ABCE1: variants seen among roughly 807,000 people sequenced by gnomAD.
ABCE1 encodes ATP-binding cassette sub-family E member 1.
In ABCE1, 22 loss-of-function variants were observed where a neutral mutation model predicts 83.4. The ratio of observed to expected loss-of-function variants is 0.26; its 90% CI spans 0.19 to 0.38. The LOEUF (loss-of-function observed/expected upper bound fraction) is 0.38. ABCE1 is among the 10% of genes least tolerant of loss of function. The pLI, the probability that ABCE1 is intolerant of heterozygous loss-of-function variation, is 1.00. For missense variants in ABCE1, 330 were observed against 721.9 expected, an observed-to-expected ratio of 0.46 and a Z score of 6.22; for synonymous variants, 204 against 233.7, an observed-to-expected ratio of 0.87 and a Z score of 1.16.
intron 9 of ABCE1, among the ~76,000 whole-genome samples, chr4:145,112,999 A>T (rs1483793318): frequency 2.0e-5 from 3 of 152,148 alleles, no homozygotes; most frequent in Non-Finnish European, 2.9e-5. Flanking sequence ...GCCTCTTCTG[A>T]CTTAACAATT....
At chr4:145,106,649 A>G (rs765137092) in intron 3 of ABCE1, among the ~76,000 whole-genome samples, 2 of 152,104 alleles carry the variant, frequency 1.3e-5, no homozygotes, top group Non-Finnish European at 1.5e-5. Flanking sequence ...GAAGTAATGT[A>G]TAATTCCTGA....
At chr4:145,126,067 A>G (rs538761562) in intron 17 of ABCE1, among the ~76,000 whole-genome samples, 2 of 152,070 alleles carry the variant, frequency 1.3e-5, no homozygotes, top group Non-Finnish European at 2.9e-5. Flanking sequence ...ACCCCCGCAA[A>G]AAAAGTATAT....
In ABCE1 at chr4:145,109,254, G is replaced by A; in HGVS notation, c.405+5G>A. On this transcript the variant is annotated splice_donor_5th_base_variant and intron_variant, in intron 5 of 17. Coordinates refer to ENST00000296577, the MANE Select transcript of ABCE1 (RefSeq NM_002940.3). ...CCAAACCTTGGAAAGTACGATGTATGTATTATCACCTTGTAAAAATTAATA... is the reference window on the plus strand; with the variant it reads ...CCAAACCTTGGAAAGTACGATGTATATATTATCACCTTGTAAAAATTAATA... 2 of 1,544,472 alleles carry A rather than the reference G, an allele frequency of 1.3e-6. No individual in the cohort carries two copies. Among genetic ancestry groups the A allele is most frequent in the East Asian group, 2.3e-5 (1 of 44,042 alleles).
intron 3 of ABCE1, among the ~76,000 whole-genome samples, chr4:145,106,419 TATAAAC>T (rs1749306582): frequency 6.6e-6 from 1 of 152,058 alleles, no homozygotes; most frequent in Non-Finnish European, 1.5e-5. Flanking sequence ...GCTTTGAAAA[TATAAAC>T]AGGAAGCATT....
Position 145,117,188 on chromosome 4 carries a change from T to G in ABCE1, c.801-105T>G, listed in dbSNP as rs972265858. ...AATGTTTTATGGCTTTTGCTTCTTA[T>G]GTCTTTATGCTTAAATTTTATTAGA... is the stretch of plus-strand genomic sequence containing the variant. On this transcript the variant is annotated intron_variant, in intron 9 of 17. Transcript: ENST00000296577. The G allele has an allele frequency of 6.3e-6, 6 of 946,428 alleles. No individual in the cohort carries two copies. In the Admixed American group the frequency reaches 1.8e-4, roughly 29 times the overall value. 58.6% of individuals were successfully genotyped at this position (946,428 alleles called of 1,614,324 possible).
rs777721499 is a variant in ABCE1 at position 145,129,255 on chromosome 4, G to T, written c.*1682G>T. ...GCTAATGACAGAATATGTATTAAAC[G>T]TATTTTCATGTAAATGAAATCTTTA... On this transcript the variant is annotated 3_prime_UTR_variant, in exon 18 of 18. Transcript: ENST00000296577. 1 of 152,080 alleles carries T rather than the reference G, an allele frequency of 6.6e-6. No individual in the cohort carries two copies. Among genetic ancestry groups the T allele is most frequent in the African/African-American group, 2.4e-5 (1 of 41,424 alleles). The allele number at this position is 152,080 out of a possible 1,614,324, so 9.4% of individuals were successfully genotyped here.
At chr4:145,125,300 TCTA>T (rs1311118165) in intron 17 of ABCE1, among the ~76,000 whole-genome samples, 199 bp downstream of exon 17, 2 of 152,018 alleles carry the variant, frequency 1.3e-5, no homozygotes, top group African/African-American at 4.8e-5. Flanking sequence ...CAACCCCATC[TCTA>T]CTAAAAATGC....
At chr4:145,111,094 T>G in intron 8 of ABCE1, 30 bp downstream of exon 8, 1 of 1,501,306 alleles carries the variant, frequency 6.7e-7, no homozygotes, top group South Asian at 1.2e-5. Flanking sequence ...TTGTTTATCT[T>G]CATCCGTATT....
chr4:145,102,412 ATGAAGT>A (rs888146635), intron 1 of ABCE1, among the ~76,000 whole-genome samples: 5 of 152,196 alleles, frequency 3.3e-5, no homozygotes, highest in African/African-American at 1.2e-4. Context: ...AGAATAATTG[ATGAAGT>A]TAAAGACAGA....
At chr4:145,118,978 T>C (rs1749673743) in intron 10 of ABCE1, among the ~76,000 whole-genome samples, 1 of 151,834 alleles carries the variant, frequency 6.6e-6, no homozygotes. Flanking sequence ...TAAGGTTCCT[T>C]TGAGTTTATG....
intron 2 of ABCE1, among the ~76,000 whole-genome samples, chr4:145,105,343 C>T (rs920716345): frequency 6.6e-5 from 10 of 151,898 alleles, no homozygotes; most frequent in Non-Finnish European, 1.2e-4. Context: ...TTTTCTTCCC[C>T]AGTAGTAAAT....
intron 4 of ABCE1, 58 bp downstream of exon 4, chr4:145,108,170 AT>A (rs1749359599): frequency 1.3e-6 from 2 of 1,500,744 alleles, no homozygotes; most frequent in South Asian, 1.2e-5. Context: ...TACATTTGGG[AT>A]TTTAAGAGAA....
intron 1 of ABCE1, among the ~76,000 whole-genome samples, chr4:145,102,116 G>A (rs1379847227): frequency 1.3e-5 from 2 of 152,072 alleles, no homozygotes; most frequent in African/African-American, 4.8e-5. Flanking sequence ...TTATCTAGTA[G>A]GAAAAGTGTT....
chr4:145,125,087 C>A lies in ABCE1; in HGVS notation c.1738C>A (p.Leu580Ile), dbSNP rs1300402182. ...CAACTATAGGCCACGAATAAACAAA[C>A]TTAATTCAATTAAGGTATGTAGAAA... ...PNNYRPRINK[L>I]NSIKDVEQKK... The change falls in exon 17 of 18, where the codon CTT (leucine) becomes ATT (isoleucine). Residue 580 changes from leucine (L) to isoleucine (I), a missense_variant. By Grantham distance (5) the Leu-to-Ile change is conservative. Transcript: ENST00000296577. The A allele has an allele frequency of 1.2e-6, 2 of 1,603,738 alleles. No homozygotes were observed. Among genetic ancestry groups the A allele is most frequent in the Admixed American group, 1.7e-5 (1 of 59,828 alleles).
At chr4:145,116,587 C>T (rs896656993) in intron 9 of ABCE1, among the ~76,000 whole-genome samples, 2 of 151,648 alleles carry the variant, frequency 1.3e-5, no homozygotes, top group Admixed American at 6.6e-5. Flanking sequence ...GAATGGTGTT[C>T]GATATGGAAA....
At chr4:145,107,331 CT>C (rs1386079025) in intron 3 of ABCE1, among the ~76,000 whole-genome samples, 4 of 152,034 alleles carry the variant, frequency 2.6e-5, no homozygotes, top group African/African-American at 9.7e-5. Flanking sequence ...CCTCAAACGA[CT>C]TTACAAGGTA....
chr4:145,114,670 A>G (rs533385869), intron 9 of ABCE1, among the ~76,000 whole-genome samples: 1 of 151,984 alleles, frequency 6.6e-6, no homozygotes, highest in Admixed American at 6.6e-5. Context: ...TCGGGGAAAA[A>G]AAAACTAGTT....
intron 1 of ABCE1, among the ~76,000 whole-genome samples, chr4:145,100,229 C>G (rs1749103695): frequency 6.6e-6 from 1 of 152,122 alleles, no homozygotes; most frequent in Admixed American, 6.6e-5. Context: ...TGACATGCAC[C>G]TATAGTCCCA....
intron 17 of ABCE1, among the ~76,000 whole-genome samples, chr4:145,125,968 G>A (rs1266102963): frequency 2.0e-5 from 3 of 151,732 alleles, no homozygotes; most frequent in Non-Finnish European, 4.4e-5. Context: ...TTCAACCCAG[G>A]AGGTGGAGGT....
Sources: allele counts gnomAD v4.1 joint callset (sites outside exome capture counted in the v4.1 genomes callset), GRCh38; gene constraint gnomAD v4.1.1; transcripts MANE v1.5; gene names NCBI Gene and HGNC (gene_info 2026-07-23, HGNC 2026-07-21).